DOCK3: variants seen among roughly 807,000 people sequenced by gnomAD.
DOCK3 encodes dedicator of cytokinesis 3.
A neutral mutation model predicts 265.6 loss-of-function variants in DOCK3; 60 were observed. The ratio of observed to expected loss-of-function variants is 0.23; its 90% confidence interval spans 0.18 to 0.28. DOCK3 has a LOEUF of 0.28. DOCK3 is among the 10% of genes least tolerant of loss of function. The probability of loss-of-function intolerance (pLI) is 1.00; values close to 1 mark genes in which losing one functional copy is unlikely to be tolerated. For missense variants in DOCK3, 1,981 were observed against 2,594.3 expected (o/e 0.76, Z 5.14); for synonymous variants, 881 against 938.0 (o/e 0.94, Z 1.11).
At chr3:50,947,602 C>T (rs138948283) in intron 5 of DOCK3, among the ~76,000 whole-genome samples, 3 of 152,278 alleles carry the variant, frequency 2.0e-5, no homozygotes, top group African/African-American at 7.2e-5. Context: ...ACTACTCCCA[C>T]TTTCCAAGCA....
intron 12 of DOCK3, among the ~76,000 whole-genome samples, chr3:51,206,588 A>C (rs2089225929): frequency 6.6e-6 from 1 of 152,160 alleles, no homozygotes; most frequent in African/African-American, 2.4e-5. Context: ...AGACGGGGAA[A>C]GAAAGGCAAG....
chr3:50,835,469 C>CT (rs1271197761), intron 2 of DOCK3, among the ~76,000 whole-genome samples: 1 of 152,172 alleles, frequency 6.6e-6, no homozygotes, highest in Non-Finnish European at 1.5e-5. Context: ...AGTTATATAG[C>CT]TGACTATAAA....
intron 3 of DOCK3, among the ~76,000 whole-genome samples, chr3:50,872,168 G>C (rs1486887583): frequency 6.6e-6 from 1 of 152,168 alleles, no homozygotes; most frequent in Non-Finnish European, 1.5e-5. Flanking sequence ...TATTTGTTGA[G>C]CTTGTTTGTC....
chr3:50,804,520 C>G (rs1048925022), intron 2 of DOCK3, among the ~76,000 whole-genome samples: 2 of 152,312 alleles, frequency 1.3e-5, no homozygotes, highest in East Asian at 3.9e-4. Context: ...GCGGATCACT[C>G]ACGTTTAGGA....
intron 19 of DOCK3, among the ~76,000 whole-genome samples, chr3:51,230,769 C>G (rs1322018031): frequency 1.3e-5 from 2 of 152,164 alleles, no homozygotes; most frequent in Non-Finnish European, 2.9e-5. Flanking sequence ...TCCGCCTTGG[C>G]CTCCCAAAGT....
intron 9 of DOCK3, among the ~76,000 whole-genome samples, chr3:51,131,369 G>A (rs1179958676): frequency 6.6e-6 from 1 of 152,116 alleles, no homozygotes; most frequent in Non-Finnish European, 1.5e-5. Flanking sequence ...TTTCCCCAGT[G>A]CACAGTTACC....
intron 2 of DOCK3, among the ~76,000 whole-genome samples, chr3:50,814,170 T>C (rs963519564): frequency 6.6e-6 from 1 of 152,170 alleles, no homozygotes; most frequent in Non-Finnish European, 1.5e-5. Context: ...TAAGATAGTA[T>C]ATAGTTCCTG....
chr3:51,007,325 G>T (rs2078722524), intron 5 of DOCK3, among the ~76,000 whole-genome samples: 1 of 152,224 alleles, frequency 6.6e-6, no homozygotes, highest in Admixed American at 6.5e-5. Context: ...TTTAACTGGT[G>T]TGAGATTGTA....
At chr3:51,013,444 A>G (rs1223707833) in intron 5 of DOCK3, among the ~76,000 whole-genome samples, 1 of 152,078 alleles carries the variant, frequency 6.6e-6, no homozygotes, top group Non-Finnish European at 1.5e-5. Context: ...TTGGAGGTCC[A>G]CTCCAGACCC....
chr3:51,304,855 G>A (rs1010411454), intron 27 of DOCK3, among the ~76,000 whole-genome samples: 2 of 152,150 alleles, frequency 1.3e-5, no homozygotes, highest in Non-Finnish European at 2.9e-5. Context: ...TTCACTCACC[G>A]TTTTGGTTCT....
At chr3:50,744,480 G>A (rs2039296148) in intron 1 of DOCK3, among the ~76,000 whole-genome samples, 1 of 151,376 alleles carries the variant, frequency 6.6e-6, no homozygotes, top group African/African-American at 2.4e-5. Context: ...TGTCACCCAG[G>A]GTGGAGTGCA....
At chr3:51,100,443 G>C (rs1475239886) in intron 9 of DOCK3, among the ~76,000 whole-genome samples, 1 of 152,164 alleles carries the variant, frequency 6.6e-6, no homozygotes, top group Non-Finnish European at 1.5e-5. Flanking sequence ...GGCCACCAGA[G>C]GGAGTTCTGG....
chr3:50,870,778 T>G (rs954830964), intron 3 of DOCK3, among the ~76,000 whole-genome samples: 3 of 152,152 alleles, frequency 2.0e-5, no homozygotes, highest in Admixed American at 6.5e-5. Flanking sequence ...TCATGTATTT[T>G]TTGTTGTTTG....
chr3:50,753,001 A>G (rs947174925), intron 1 of DOCK3, among the ~76,000 whole-genome samples: 1 of 152,240 alleles, frequency 6.6e-6, no homozygotes, highest in Non-Finnish European at 1.5e-5. Context: ...AAGGCTAGAT[A>G]GTAAGTACTT....
At chr3:51,162,671 T>C (rs983341067) in intron 12 of DOCK3, among the ~76,000 whole-genome samples, 1 of 152,204 alleles carries the variant, frequency 6.6e-6, no homozygotes, top group Non-Finnish European at 1.5e-5. Context: ...CTTGTTTTGG[T>C]GCAAATTTTC....
At chr3:51,173,980 C>G (rs1055182466) in intron 12 of DOCK3, among the ~76,000 whole-genome samples, 5 of 152,148 alleles carry the variant, frequency 3.3e-5, no homozygotes, top group South Asian at 4.1e-4. Context: ...TTTATTCACT[C>G]TTTTCTCTTT....
At chr3:50,999,523 C>G (rs1432290906) in intron 5 of DOCK3, among the ~76,000 whole-genome samples, 1 of 152,110 alleles carries the variant, frequency 6.6e-6, no homozygotes, top group Non-Finnish European at 1.5e-5. Context: ...CTCCTTATAC[C>G]CTAGGTTTTA....
intron 5 of DOCK3, among the ~76,000 whole-genome samples, chr3:51,057,967 G>C (rs1012716428): frequency 6.6e-6 from 1 of 152,118 alleles, no homozygotes; most frequent in Non-Finnish European, 1.5e-5. Flanking sequence ...CCAAAGCTTA[G>C]TGGCTTAAAA....
At chr3:51,290,725 CAA>C (rs1363404864) in intron 27 of DOCK3, among the ~76,000 whole-genome samples, 1 of 151,900 alleles carries the variant, frequency 6.6e-6, no homozygotes. Context: ...CAAATGGAAA[CAA>C]AAAGAGCAGG....
Sources: gnomAD v4.1 joint callset for allele counts (sites outside exome capture counted in the v4.1 genomes callset) on GRCh38, gnomAD v4.1.1 for gene constraint, MANE v1.5 for transcripts, NCBI Gene and HGNC (gene_info 2026-07-23, HGNC 2026-07-21) for gene names.